The following CEP162 variants were observed in gnomAD, a reference collection of about 807,000 sequenced individuals.
CEP162 encodes the protein centrosomal protein 162, also known as centrosomal protein of 162 kDa.
Under a neutral mutation model 169.2 loss-of-function variants are expected in CEP162, and 141 were observed. The observed-to-expected ratio is 0.83, with a 90% CI of 0.73 to 0.96. The LOEUF is 0.96. Among genes scored for constraint, CEP162 ranks in the 40% least tolerant of loss-of-function variants. CEP162 has a pLI of 0.00. For synonymous variants in CEP162, 540 were observed against 526.4 expected (o/e 1.03, Z -0.35); for missense variants, 1,600 against 1,587.2 (o/e 1.01, Z -0.14).
At chr6:84,195,122 A>C in intron 9 of CEP162, 47 bp from the exon 10 acceptor site, 1 of 1,372,342 alleles carries the variant, frequency 7.3e-7, no homozygotes, top group Non-Finnish European at 9.9e-7. Context: ...TCACAAATAC[A>C]TGAGAACGAT....
intron 4 of CEP162, 111 bp from the exon 5 acceptor site, chr6:84,215,576 T>G (rs1051499959): frequency 8.6e-7 from 1 of 1,159,156 alleles, no homozygotes; most frequent in Admixed American, 3.2e-5. Context: ...TTTACAAATA[T>G]TTACTCTCAC....
At chr6:84,190,090 G>C (rs1419113264) in intron 11 of CEP162, among the ~76,000 whole-genome samples, 1 of 152,028 alleles carries the variant, frequency 6.6e-6, no homozygotes, top group African/African-American at 2.4e-5. Flanking sequence ...TGAGGACGTG[G>C]AGAGTCTTTA....
chr6:84,138,743 T>G (rs1310275369), intron 25 of CEP162, among the ~76,000 whole-genome samples: 2 of 152,230 alleles, frequency 1.3e-5, no homozygotes, highest in Non-Finnish European at 2.9e-5. Flanking sequence ...TAAAACTGAC[T>G]TCATTATCTT....
intron 6 of CEP162, among the ~76,000 whole-genome samples, chr6:84,210,890 G>A (rs909408920): frequency 2.0e-5 from 3 of 151,972 alleles, no homozygotes; most frequent in East Asian, 1.9e-4. Context: ...TGCTAACAAA[G>A]CATAAGAAAA....
chr6:84,169,547 T>C (rs1021792927), intron 17 of CEP162, 114 bp from the exon 18 acceptor site: 4 of 547,074 alleles, frequency 7.3e-6, no homozygotes, highest in African/African-American at 3.8e-5. Context: ...ACTGTATGCA[T>C]AAATGAAGGT....
chr6:84,150,987 C>T (rs2099520868), intron 23 of CEP162, among the ~76,000 whole-genome samples: 1 of 152,016 alleles, frequency 6.6e-6, no homozygotes, highest in African/African-American at 2.4e-5. Flanking sequence ...TTTCTTGGTA[C>T]ATATTAGTAA....
chr6:84,210,961 T>C (rs1408098762), intron 6 of CEP162, among the ~76,000 whole-genome samples: 1 of 151,810 alleles, frequency 6.6e-6, no homozygotes, highest in Admixed American at 6.6e-5. Context: ...AATAATACTC[T>C]TTAAAAGAAG....
intron 25 of CEP162, among the ~76,000 whole-genome samples, chr6:84,138,805 C>A (rs1467253558): frequency 6.6e-6 from 1 of 152,164 alleles, no homozygotes; most frequent in Non-Finnish European, 1.5e-5. Context: ...AACTTTACTT[C>A]AGTTCTGAGG....
chr6:84,129,807 GAC>G (rs1228782984), intron 25 of CEP162, among the ~76,000 whole-genome samples: 1 of 152,152 alleles, frequency 6.6e-6, no homozygotes, highest in East Asian at 1.9e-4. Flanking sequence ...TCTGCAAACA[GAC>G]ACACTTTGAC....
chr6:84,163,081 C>T, intron 19 of CEP162, 63 bp downstream of exon 19: 3 of 1,502,728 alleles, frequency 2.0e-6, no homozygotes, highest in Non-Finnish European at 2.7e-6. Flanking sequence ...ATTTCTATTA[C>T]TTAAATTCAA....
chr6:84,204,982 G>A (rs1228187764), intron 6 of CEP162, among the ~76,000 whole-genome samples: 2 of 135,220 alleles, frequency 1.5e-5, no homozygotes, highest in Non-Finnish European at 3.0e-5. Flanking sequence ...TAGAAGAAAC[G>A]GATAAATCCT....
intron 11 of CEP162, among the ~76,000 whole-genome samples, chr6:84,191,770 A>G (rs1483921908): frequency 1.3e-5 from 2 of 152,132 alleles, no homozygotes; most frequent in Admixed American, 6.5e-5. Flanking sequence ...AGTGAAATTG[A>G]TATTTTGTTA....
intron 25 of CEP162, among the ~76,000 whole-genome samples, chr6:84,134,497 T>A (rs1440760076): frequency 1.3e-5 from 2 of 152,204 alleles, no homozygotes; most frequent in Non-Finnish European, 2.9e-5. Context: ...GTGAATCTTC[T>A]GGTGTGTGCA....
intron 13 of CEP162, 92 bp downstream of exon 13, chr6:84,185,095 T>C: frequency 1.4e-5 from 17 of 1,192,680 alleles, no homozygotes; most frequent in East Asian, 2.5e-5. Context: ...CTCCTGCAAA[T>C]TGAATCTTAC....
intron 13 of CEP162, among the ~76,000 whole-genome samples, chr6:84,178,470 T>C (rs1263974186): frequency 6.6e-6 from 1 of 152,202 alleles, no homozygotes; most frequent in African/African-American, 2.4e-5. Flanking sequence ...ATATGTTTAC[T>C]TTTTTGGTAA....
intron 9 of CEP162, among the ~76,000 whole-genome samples, chr6:84,195,951 A>G (rs1190435621): frequency 6.6e-6 from 1 of 152,198 alleles, no homozygotes; most frequent in Non-Finnish European, 1.5e-5. Context: ...TCACATCTAC[A>G]TATTCCCCAA....
intron 7 of CEP162, among the ~76,000 whole-genome samples, chr6:84,202,224 T>C (rs1360328095): frequency 6.6e-6 from 1 of 152,178 alleles, no homozygotes; most frequent in Admixed American, 6.5e-5. Flanking sequence ...GATACAACTT[T>C]CAGAAAGACA....
At position 84,184,598 on chromosome 6, in the gene CEP162, G is replaced by C. The variant is rs118157240; in HGVS notation, c.1663+589C>G. On this transcript the variant is annotated intron_variant, in intron 13 of 26. Coordinates refer to ENST00000403245, the MANE Select transcript of CEP162 (RefSeq NM_014895.4). ...CTTGCAGGATTCCACATGCTCTCAG[G>C]ATTCTTCCAACCTCACTCTGTTTCC... Among the ~76,000 whole-genome samples the C allele has an allele frequency of 4.8e-4, 73 of 152,118 alleles. No individual in the cohort carries two copies. In the East Asian group the frequency reaches 5.6e-3, roughly 12 times the overall value.
At chr6:84,184,445 G>A (rs2099536236) in intron 13 of CEP162, among the ~76,000 whole-genome samples, 2 of 152,016 alleles carry the variant, frequency 1.3e-5, no homozygotes. Context: ...ACCTCTCCAT[G>A]GAAACTGCTT....
Sources: allele counts gnomAD v4.1 joint callset (sites outside exome capture counted in the v4.1 genomes callset), GRCh38; gene constraint gnomAD v4.1.1; transcripts MANE v1.5; gene names NCBI Gene and HGNC (gene_info 2026-07-23, HGNC 2026-07-21).